The following COTL1 variants were observed in gnomAD, a reference collection of about 807,000 sequenced individuals.
COTL1 encodes coactosin-like protein.
COTL1 carries 15 observed loss-of-function variants against 16.5 expected under a neutral mutation model. The observed-to-expected ratio is 0.91, with a 90% CI of 0.61 to 1.40. The LOEUF is 1.40. COTL1 is among the 40% of genes most tolerant of loss of function. The pLI is 0.00. For synonymous variants in COTL1, 112 were observed against 85.3 expected (o/e 1.31, Z -1.73); for missense variants, 220 against 201.5 (o/e 1.09, Z -0.56).
intron 1 of COTL1, 34 bp downstream of exon 1, chr16:84,617,804 G>T (rs931018920): frequency 2.6e-6 from 4 of 1,550,084 alleles, no homozygotes; most frequent in Admixed American, 1.9e-5. Context: ...CGAGCCCGGG[G>T]AGCGGGGCGT....
intron 3 of COTL1, among the ~76,000 whole-genome samples, chr16:84,569,470 A>G: frequency 6.6e-6 from 1 of 152,208 alleles, no homozygotes; most frequent in Non-Finnish European, 1.5e-5. Flanking sequence ...AAGACAATGC[A>G]TTTGGCGCGC....
At chr16:84,614,557 G>A (rs1400169547) in intron 2 of COTL1, among the ~76,000 whole-genome samples, 3 of 152,122 alleles carry the variant, frequency 2.0e-5, no homozygotes, top group Non-Finnish European at 4.4e-5. Flanking sequence ...GTGTTTCAGA[G>A]AGAATGCCTG....
intron 2 of COTL1, among the ~76,000 whole-genome samples, chr16:84,602,384 G>A (rs539441492): frequency 5.8e-4 from 85 of 147,592 alleles, no homozygotes; most frequent in African/African-American, 2.1e-3. Flanking sequence ...GTGAGACTCT[G>A]TCTCAAAAAA....
At chr16:84,575,430 C>G (rs1046242946) in intron 3 of COTL1, 8 of 152,036 alleles carry the variant, frequency 5.3e-5, no homozygotes, top group Non-Finnish European at 2.9e-5. Flanking sequence ...GCAATCTCAG[C>G]TCAGCACAAC....
chr16:84,567,067 T>C, intron 3 of COTL1, 112 bp from the exon 4 acceptor site: 1 of 718,394 alleles, frequency 1.4e-6, no homozygotes. Flanking sequence ...TGATGAGAGA[T>C]GGAAATGGAA....
rs1905548723 is a variant in COTL1, at chr16:84,617,973, G to T, written c.-59C>A. 7.7e-7 allele frequency: 1 copy of T among 1,304,892 alleles called. No individual in the cohort carries two copies. Among genetic ancestry groups the T allele is most frequent in the South Asian group, 1.6e-5 (1 of 61,248 alleles). The allele number at this position is 1,304,892 out of a possible 1,614,324, so 80.8% of individuals were successfully genotyped here. On this transcript the variant is annotated 5_prime_UTR_variant, in exon 1 of 4. Transcript: ENST00000262428. ...CGGCCGAGCGCGCCCCTGGCCGGCG[G>T]CGGGGATGGGAGCGCGGCGGGTACG...
chr16:84,569,364 A>G (rs1904312514), intron 3 of COTL1, among the ~76,000 whole-genome samples: 1 of 152,180 alleles, frequency 6.6e-6, no homozygotes, highest in Admixed American at 6.5e-5. Context: ...ATGTTAAATG[A>G]ATTCCACCAC....
At chr16:84,616,649 A>G (rs891126154) in intron 2 of COTL1, among the ~76,000 whole-genome samples, 7 of 152,278 alleles carry the variant, frequency 4.6e-5, no homozygotes, top group Admixed American at 4.6e-4. Context: ...GCATTCTCCA[A>G]TCTCTTTAAA....
chr16:84,608,236 G>C (rs1419816012), intron 2 of COTL1, among the ~76,000 whole-genome samples: 1 of 152,210 alleles, frequency 6.6e-6, no homozygotes. Context: ...AAATCTGTAA[G>C]GGATGCTTTC....
At chr16:84,611,610 C>G (rs897302040) in intron 2 of COTL1, among the ~76,000 whole-genome samples, 1 of 152,180 alleles carries the variant, frequency 6.6e-6, no homozygotes, top group Non-Finnish European at 1.5e-5. Context: ...TGCCTACAGT[C>G]GTGCCCCACA....
intron 2 of COTL1, among the ~76,000 whole-genome samples, chr16:84,600,337 A>C (rs550778748): frequency 1.2e-3 from 176 of 142,260 alleles, no homozygotes; most frequent in Non-Finnish European, 2.2e-3. Flanking sequence ...TTTTGAGACG[A>C]AATCTCGCTC....
Position 84,617,903 on chromosome 16 carries a change from C to G in COTL1, c.12G>C (p.Lys4Asn). The stretch of plus-strand genomic sequence containing the variant: ...CCGCCCGGCAAGCCTCTTTGTCGAT[C>G]TTGGTGGCCATCGCCGCGGAGCCGC... MAT[K>N]IDKEACRAAY... Residue 4 changes from lysine to asparagine, a missense_variant, in exon 1 of 4, where the codon AAG becomes AAC. Transcript: ENST00000262428. 1.3e-6 allele frequency: 2 copies of G among 1,560,414 alleles called. No individual in the cohort carries two copies. The highest frequency in any genetic ancestry group is 2.4e-5 in the East Asian group (1 of 41,926).
At chr16:84,601,699 C>T (rs1182769626) in intron 2 of COTL1, among the ~76,000 whole-genome samples, 1 of 152,204 alleles carries the variant, frequency 6.6e-6, no homozygotes. Context: ...CGTGATCCCC[C>T]CATCCTGGCC....
intron 2 of COTL1, among the ~76,000 whole-genome samples, chr16:84,591,883 T>A (rs201971600): frequency 2.1e-5 from 1 of 48,728 alleles, no homozygotes; most frequent in Non-Finnish European, 4.1e-5. Context: ...AAAATAAAAA[T>A]ATGTGCGTGC....
At chr16:84,613,627 G>A (rs1905391101) in intron 2 of COTL1, among the ~76,000 whole-genome samples, 1 of 152,326 alleles carries the variant, frequency 6.6e-6, no homozygotes. Flanking sequence ...GATTAGAAAT[G>A]TACTGTAGAA....
At chr16:84,580,888 A>T (rs553221177) in intron 3 of COTL1, among the ~76,000 whole-genome samples, 2 of 152,224 alleles carry the variant, frequency 1.3e-5, no homozygotes, top group African/African-American at 4.8e-5. Flanking sequence ...TCACGCCTGT[A>T]ATGCCAGCAC....
rs1904298053 is a variant in COTL1 at position 84,566,310 on chromosome 16, A to T, written c.*535T>A. 1 of 152,586 alleles carries T rather than the reference A, an allele frequency of 6.6e-6. No individual in the cohort carries two copies. The highest frequency in any genetic ancestry group is 2.4e-5 in the African/African-American group (1 of 41,406). 9.5% of individuals were successfully genotyped at this position (152,586 alleles called of 1,614,324 possible). A position where few individuals can be genotyped will look rare whatever the true frequency, so the allele number is the denominator to read the frequency against. ...GAGGGAGCCCGGGGCAGATACCAGG[A>T]GGTCTGGGCCTTAGTAGGGAATGGA... On this transcript the variant is annotated 3_prime_UTR_variant, in exon 4 of 4. Coordinates refer to ENST00000262428, the MANE Select transcript of COTL1 (RefSeq NM_021149.5).
intron 2 of COTL1, among the ~76,000 whole-genome samples, chr16:84,613,967 C>T (rs573632787): frequency 6.6e-6 from 1 of 152,200 alleles, no homozygotes; most frequent in Non-Finnish European, 1.5e-5. Context: ...AAGAGGCTTG[C>T]TCCGTCTTTC....
At chr16:84,579,456 CA>C (rs34385711) in intron 3 of COTL1, among the ~76,000 whole-genome samples, 19,876 of 152,252 alleles carry the variant, frequency 0.13, 2,928 homozygotes, top group African/African-American at 0.36. Flanking sequence ...CACTGCACTC[CA>C]AGCCTCGGTG....
Sources: gnomAD v4.1 joint callset for allele counts (sites outside exome capture counted in the v4.1 genomes callset) on GRCh38, gnomAD v4.1.1 for gene constraint, MANE v1.5 for transcripts, NCBI Gene and HGNC (gene_info 2026-07-23, HGNC 2026-07-21) for gene names.